Variants in TRPC4AP observed in about 807,000 individuals in gnomAD.
TRPC4AP encodes transient receptor potential cation channel subfamily C member 4 associated protein, also known as short transient receptor potential channel 4-associated protein.
A neutral mutation model predicts 99.0 loss-of-function variants in TRPC4AP; 45 were observed. The observed-to-expected ratio is 0.45, with a 90% CI of 0.36 to 0.58. The LOEUF (loss-of-function observed/expected upper bound fraction) is 0.58. TRPC4AP is among the 20% of genes least tolerant of loss of function. The pLI, the probability that TRPC4AP is intolerant of heterozygous loss-of-function variation, is 0.00. For synonymous variants in TRPC4AP, 408 were observed against 385.8 expected (o/e 1.06, Z -0.67); for missense variants, 879 against 985.3 (o/e 0.89, Z 1.44).
chr20:35,073,817 T>C (rs1352937184), intron 2 of TRPC4AP, among the ~76,000 whole-genome samples: 2 of 152,196 alleles, frequency 1.3e-5, no homozygotes, highest in Non-Finnish European at 2.9e-5. Context: ...TCTTTTTCTA[T>C]TGATTGGAAT....
intron 3 of TRPC4AP, among the ~76,000 whole-genome samples, chr20:35,060,241 T>C (rs2083962855): frequency 6.6e-6 from 1 of 152,072 alleles, no homozygotes; most frequent in Non-Finnish European, 1.5e-5. Context: ...ATCTCATGCA[T>C]ATATACACAA....
intron 1 of TRPC4AP, 145 bp downstream of exon 1, chr20:35,092,469 G>GTCCGGGCAGCTCACAGGGAGGCCT: frequency 1.0e-6 from 1 of 986,452 alleles, no homozygotes; most frequent in Non-Finnish European, 1.4e-6. Context: ...AGCTGAGAGC[G>GTCCGGGCAGCTCACAGGGAGGCCT]TCCGGGCAGC....
chr20:35,068,976 C>A (rs77577905), intron 3 of TRPC4AP, among the ~76,000 whole-genome samples: 16,904 of 76,626 alleles, frequency 0.22, 1,177 homozygotes, highest in South Asian at 0.25. Flanking sequence ...CACACACACA[C>A]ACAAAAAAAA....
intron 8 of TRPC4AP, among the ~76,000 whole-genome samples, chr20:35,023,524 G>C (rs2082943507): frequency 6.6e-6 from 1 of 152,110 alleles, no homozygotes; most frequent in Admixed American, 6.5e-5. Flanking sequence ...AAATTTACTG[G>C]AGAAATTTTT....
intron 3 of TRPC4AP, among the ~76,000 whole-genome samples, chr20:35,064,521 A>C (rs893605125): frequency 2.6e-5 from 4 of 152,212 alleles, no homozygotes; most frequent in Non-Finnish European, 5.9e-5. Flanking sequence ...TTTTAGCTTA[A>C]AGCAGCAGAT....
intron 3 of TRPC4AP, among the ~76,000 whole-genome samples, chr20:35,064,656 C>T (rs780810733): frequency 1.1e-4 from 17 of 152,244 alleles, no homozygotes; most frequent in Non-Finnish European, 1.8e-4. Flanking sequence ...AAAGAAGTCT[C>T]ATGACTTGAG....
At chr20:35,004,593 A>AG in intron 16 of TRPC4AP, 23 bp from the exon 17 acceptor site, 1 of 1,606,468 alleles carries the variant, frequency 6.2e-7, no homozygotes, top group Non-Finnish European at 8.5e-7. Flanking sequence ...GCAGGGGTGC[A>AG]GCAGGTCAGG....
intron 5 of TRPC4AP, among the ~76,000 whole-genome samples, chr20:35,050,304 G>GT (rs2147376842): frequency 6.6e-6 from 1 of 152,308 alleles, no homozygotes; most frequent in East Asian, 1.9e-4. Context: ...AAATCAAACA[G>GT]TGCCGAAGCA....
At chr20:35,092,285 A>G (rs1203288196) in intron 1 of TRPC4AP, among the ~76,000 whole-genome samples, 3 of 152,076 alleles carry the variant, frequency 2.0e-5, no homozygotes, top group Non-Finnish European at 4.4e-5. Context: ...CGAGGCCCAC[A>G]GAGGCTAAAA....
intron 3 of TRPC4AP, among the ~76,000 whole-genome samples, chr20:35,059,884 C>A (rs559546580): frequency 6.7e-6 from 1 of 148,182 alleles, no homozygotes; most frequent in South Asian, 2.2e-4. Context: ...AAGACGAAGA[C>A]AAAGATGAAG....
intron 14 of TRPC4AP, 121 bp from the exon 15 acceptor site, chr20:35,006,696 T>C: frequency 7.6e-7 from 1 of 1,309,668 alleles, no homozygotes; most frequent in Non-Finnish European, 1.0e-6. Context: ...GGCAACACTG[T>C]CTAGATTCTT....
At chr20:35,087,701 G>C (rs150930337) in intron 1 of TRPC4AP, among the ~76,000 whole-genome samples, 1 of 152,320 alleles carries the variant, frequency 6.6e-6, no homozygotes, top group East Asian at 1.9e-4. Context: ...TATAAGATCT[G>C]ATTTGCATTA....
chr20:35,043,134 T>G (rs572486169), intron 7 of TRPC4AP, among the ~76,000 whole-genome samples: 1 of 152,352 alleles, frequency 6.6e-6, no homozygotes, highest in East Asian at 1.9e-4. Context: ...CTTCATTTTT[T>G]CAAAGCTACA....
At chr20:35,085,324 T>C (rs901509095) in intron 1 of TRPC4AP, among the ~76,000 whole-genome samples, 1 of 152,136 alleles carries the variant, frequency 6.6e-6, no homozygotes, top group Non-Finnish European at 1.5e-5. Flanking sequence ...TTAAAAATAA[T>C]AATTTGGGGC....
intron 2 of TRPC4AP, among the ~76,000 whole-genome samples, chr20:35,074,842 G>A (rs561225240): frequency 1.4e-4 from 21 of 152,250 alleles, no homozygotes; most frequent in Admixed American, 1.2e-3. Flanking sequence ...TTTCTGTCTC[G>A]TTGATCTGTC....
At chr20:35,072,600 G>A (rs1162808234) in intron 2 of TRPC4AP, among the ~76,000 whole-genome samples, 11 of 152,064 alleles carry the variant, frequency 7.2e-5, no homozygotes, top group African/African-American at 2.2e-4. Flanking sequence ...GTAGATATGC[G>A]GCATTATTTC....
At chr20:35,015,236 A>G (rs1391657100) in intron 10 of TRPC4AP, among the ~76,000 whole-genome samples, 1 of 152,074 alleles carries the variant, frequency 6.6e-6, no homozygotes, top group Non-Finnish European at 1.5e-5. Flanking sequence ...CCTGACCTCA[A>G]GTGATCTGCC....
chr20:35,061,589 T>C (rs1042330756), intron 3 of TRPC4AP, among the ~76,000 whole-genome samples: 5 of 152,120 alleles, frequency 3.3e-5, no homozygotes, highest in African/African-American at 9.7e-5. Flanking sequence ...TTTGACAAGG[T>C]TGCCAAGACA....
rs150231202 is a variant in TRPC4AP at position 35,086,431 on chromosome 20, A to ATGTG, written c.168+6179_168+6182dup. 9.1e-3 allele frequency among the ~76,000 whole-genome samples: 999 copies of ATGTG among 109,488 alleles called. 27 individuals are homozygous for ATGTG. The highest frequency in any genetic ancestry group is 0.037 in the South Asian group (114 of 3,054). 71.8% of individuals were successfully genotyped at this position (109,488 alleles called of 152,430 possible). Reference sequence around the variant, plus strand: ...AACTTCCCATTGAAATGAATGGCATATGTGTGTGTGTGTGTGTGTGTGTGT... The same window carrying ATGTG: ...AACTTCCCATTGAAATGAATGGCATATGTGTGTGTGTGTGTGTGTGTGTGTGTGT... On this transcript the variant is annotated intron_variant, in intron 1 of 18. Coordinates refer to ENST00000252015, the MANE Select transcript of TRPC4AP (RefSeq NM_015638.3).
Sources: allele counts gnomAD v4.1 joint callset (sites outside exome capture counted in the v4.1 genomes callset), GRCh38; gene constraint gnomAD v4.1.1; transcripts MANE v1.5; gene names NCBI Gene and HGNC (gene_info 2026-07-23, HGNC 2026-07-21).